ODF2: variants seen among roughly 807,000 people sequenced by gnomAD.
ODF2 encodes outer dense fiber protein 2.
In ODF2, 47 loss-of-function variants were observed where a neutral mutation model predicts 110.2. That is an observed-to-expected ratio of 0.43 (90% CI 0.34 to 0.54). The LOEUF is 0.54. Ranked by LOEUF, ODF2 falls within the 20% of genes least tolerant of loss-of-function variation. ODF2 has a pLI of 0.03. For missense variants in ODF2, 812 were observed against 1,054.5 expected, an observed-to-expected ratio of 0.77 and a Z score of 3.19; for synonymous variants, 352 against 397.7, an observed-to-expected ratio of 0.89 and a Z score of 1.37.
rs186640348 is a variant in ODF2, at chr9:128,474,787, C to A, written c.843+1046C>A. Among the ~76,000 whole-genome samples the A allele has an allele frequency of 6.8e-3, 1,030 of 151,980 alleles. 4 individuals carry two copies. The highest frequency in any genetic ancestry group is 0.012 in the Non-Finnish European group (794 of 67,996). ...GACCTGCTTGGCCAACGTGGTGAAA[C>A]CCCATCTCTACTTGAAAAATACAAA... On this transcript the variant is annotated intron_variant, in intron 8 of 20. Transcript: ENST00000604420.
At chr9:128,487,715 A>T (rs1843648042) in intron 13 of ODF2, among the ~76,000 whole-genome samples, 175 bp from the exon 14 acceptor site, 1 of 152,000 alleles carries the variant, frequency 6.6e-6, no homozygotes, top group Non-Finnish European at 1.5e-5. Flanking sequence ...TGAACACGGG[A>T]GGCGGAGCTT....
intron 13 of ODF2, among the ~76,000 whole-genome samples, chr9:128,487,345 G>A (rs988934798): frequency 1.3e-5 from 2 of 152,212 alleles, no homozygotes; most frequent in African/African-American, 2.4e-5. Context: ...TCGTTCAGAG[G>A]TGGGACAGGC....
intron 8 of ODF2, among the ~76,000 whole-genome samples, chr9:128,479,570 C>A (rs1842027937): frequency 6.6e-6 from 1 of 152,164 alleles, no homozygotes; most frequent in Non-Finnish European, 1.5e-5. Flanking sequence ...AGGCATTTTG[C>A]AGGGCATTTC....
intron 4 of ODF2, 144 bp downstream of exon 4, chr9:128,461,211 CTA>C (rs1836361256): frequency 5.9e-6 from 6 of 1,018,946 alleles, no homozygotes; most frequent in Non-Finnish European, 8.5e-6. Context: ...AACCCTGAAA[CTA>C]TGTGAATCTT....
intron 8 of ODF2, among the ~76,000 whole-genome samples, chr9:128,477,997 T>G (rs1841669797): frequency 6.6e-6 from 1 of 151,942 alleles, no homozygotes; most frequent in Non-Finnish European, 1.5e-5. Context: ...GAGGGAAGCT[T>G]TATTAATTTT....
chr9:128,459,789 C>T (rs1309318056), intron 3 of ODF2, 132 bp downstream of exon 2: 2 of 634,998 alleles, frequency 3.1e-6, no homozygotes, highest in African/African-American at 3.7e-5. Flanking sequence ...TGCTGTTATA[C>T]ATACTCTGCT....
chr9:128,459,554 T>G lies in ODF2; in HGVS notation c.33-13T>G. On this transcript the variant is annotated splice_polypyrimidine_tract_variant and intron_variant, in intron 2 of 20. Coordinates refer to ENST00000604420, the Ensembl canonical transcript of ODF2. ...TTTTCTGCTTACAATCTGGTTCTTG[T>G]GCCTGGGTGCAGGTTTCCATCGTGT... The G allele has an allele frequency of 6.2e-7, 1 of 1,610,934 alleles. No homozygotes were observed. Among genetic ancestry groups the G allele is most frequent in the East Asian group, 2.2e-5 (1 of 44,874 alleles).
In ODF2 at chr9:128,482,764, C is replaced by G; in HGVS notation, c.916-52C>G. The G allele has an allele frequency of 1.4e-6, 2 of 1,431,534 alleles. 1 individual carries two copies. The highest frequency in any genetic ancestry group is 2.0e-6 in the Non-Finnish European group (2 of 1,022,950). The allele number at this position is 1,431,534 out of a possible 1,614,324, so 88.7% of individuals were successfully genotyped here. On this transcript the variant is annotated intron_variant, in intron 9 of 20. Coordinates refer to ENST00000604420, the Ensembl canonical transcript of ODF2. ...TCACAAATCTCTGTCCTCCCTGGGC[C>G]GGGCCTCTTTGCCCTTCCCAGGGGC...
downstream of ODF2, chr9:128,500,916 T>C (rs1564540588): frequency 6.6e-6 from 1 of 152,242 alleles, no homozygotes; most frequent in African/African-American, 2.4e-5. Context: ...GCATTTATTC[T>C]TGAAATATTT....
At chr9:128,470,074 C>T (rs1245275384) in intron 5 of ODF2, among the ~76,000 whole-genome samples, 2 of 114,230 alleles carry the variant, frequency 1.8e-5, no homozygotes, top group African/African-American at 6.5e-5. Flanking sequence ...AAAACAAAGC[C>T]CCAAAGAGGC....
intron 5 of ODF2, among the ~76,000 whole-genome samples, chr9:128,470,587 C>T (rs755073348): frequency 1.1e-4 from 17 of 151,630 alleles, no homozygotes; most frequent in Admixed American, 3.3e-4. Flanking sequence ...CGTACCGCTG[C>T]ACTCCAGCCT....
chr9:128,456,762 G>T, intron 1 of ODF2: 4 of 957,722 alleles, frequency 4.2e-6, no homozygotes, highest in Non-Finnish European at 5.0e-6. Context: ...GCCCGGCGGG[G>T]GGGGGTCCCG....
intron 8 of ODF2, among the ~76,000 whole-genome samples, chr9:128,474,809 C>T (rs1840890570): frequency 6.6e-6 from 1 of 151,606 alleles, no homozygotes; most frequent in South Asian, 2.1e-4. Flanking sequence ...TTGAAAAATA[C>T]AAAAATGAGC....
At chr9:128,497,090 A>G (rs539060729) in intron 18 of ODF2, among the ~76,000 whole-genome samples, 1 of 152,004 alleles carries the variant, frequency 6.6e-6, no homozygotes, top group Non-Finnish European at 1.5e-5. Context: ...TAAAGGTCCT[A>G]GCATGTTACC....
chr9:128,477,216 G>C (rs1282093880), intron 8 of ODF2, among the ~76,000 whole-genome samples: 1 of 149,676 alleles, frequency 6.7e-6, no homozygotes, highest in Non-Finnish European at 1.5e-5. Context: ...CTGGGTGACA[G>C]AGCGAGACTC....
intron 19 of ODF2, 84 bp downstream of exon 19, chr9:128,498,659 T>C (rs1299110472): frequency 2.5e-6 from 2 of 799,742 alleles, no homozygotes; most frequent in African/African-American, 3.5e-5. Context: ...ATCTGAAAAA[T>C]GGGCACACAG....
intron 14 of ODF2, among the ~76,000 whole-genome samples, chr9:128,490,808 G>T (rs1201344754): frequency 2.6e-5 from 4 of 152,000 alleles, no homozygotes; most frequent in African/African-American, 4.8e-5. Context: ...GTTAAGGTTG[G>T]TTTTTTGAGC....
exon 20 of ODF2, chr9:128,499,034 G>A (rs1301068958): frequency 2.5e-6 from 4 of 1,614,020 alleles, no homozygotes; most frequent in Non-Finnish European, 3.4e-6. Flanking sequence ...ACTCTCCAAG[G>A]AGCGAGCAGC....
intron 8 of ODF2, among the ~76,000 whole-genome samples, chr9:128,481,335 G>A (rs982122823): frequency 4.6e-5 from 7 of 151,962 alleles, no homozygotes; most frequent in Non-Finnish European, 1.0e-4. Context: ...TAAAAAGTTG[G>A]GCATGGTAGT....
Sources: allele counts gnomAD v4.1 joint callset (sites outside exome capture counted in the v4.1 genomes callset), GRCh38; gene constraint gnomAD v4.1.1; transcripts MANE v1.5; gene names NCBI Gene and HGNC (gene_info 2026-07-23, HGNC 2026-07-21).